The following RNF121 variants were observed in gnomAD, a reference collection of about 807,000 sequenced individuals.
The protein encoded by RNF121 is ring finger protein 121.
RNF121 carries 21 observed loss-of-function variants against 46.5 expected under a neutral mutation model. The ratio of observed to expected loss-of-function variants is 0.45; its 90% confidence interval spans 0.32 to 0.65. RNF121 has a LOEUF of 0.65. Among genes scored for constraint, RNF121 ranks in the 30% least tolerant of loss-of-function variants. The probability of loss-of-function intolerance (pLI) is 0.04; values close to 1 mark genes in which losing one functional copy is unlikely to be tolerated. For missense variants in RNF121, 346 were observed against 416.0 expected (o/e 0.83, Z 1.46); for synonymous variants, 139 against 144.7 (o/e 0.96, Z 0.28).
chr11:71,983,511 G>A (rs898702466), intron 4 of RNF121: 2 of 152,226 alleles, frequency 1.3e-5, no homozygotes, highest in South Asian at 4.1e-4. Context: ...TCACAAAGCA[G>A]CCACTGCCTG....
At chr11:71,966,804 A>G (rs1954287118) in intron 3 of RNF121, among the ~76,000 whole-genome samples, 1 of 151,532 alleles carries the variant, frequency 6.6e-6, no homozygotes, top group Non-Finnish European at 1.5e-5. Flanking sequence ...TTTTTAAATA[A>G]CATGTTTATA....
chr11:71,994,740 C>T lies in RNF121; in HGVS notation c.649C>T (p.Pro217Ser), dbSNP rs1441764675. 1.2e-6 allele frequency: 2 copies of T among 1,614,054 alleles called. No homozygotes were observed. The highest frequency in any genetic ancestry group is 3.3e-5 in the Admixed American group (2 of 60,008). Residue 217 changes from proline (P) to serine (S), a missense_variant, in exon 7 of 9, where the codon CCT becomes TCT. Transcript: ENST00000361756. ...TCAGTTCTACAGCGAGTCGGGCATGCCTACCAAACATCTTTCAGACAGTGT... is the reference window on the plus strand; with the variant it reads ...TCAGTTCTACAGCGAGTCGGGCATGTCTACCAAACATCTTTCAGACAGTGT... ...TIGFYSESGM[P>S]TKHLSDSVCA...
At chr11:71,948,502 G>A (rs1274807326) in intron 1 of RNF121, among the ~76,000 whole-genome samples, 3 of 88,402 alleles carry the variant, frequency 3.4e-5, no homozygotes, top group East Asian at 3.9e-4. Flanking sequence ...GCAACAGAGT[G>A]AAACTGTCTC....
chr11:71,933,798 A>C (rs1953332930), intron 1 of RNF121, among the ~76,000 whole-genome samples: 1 of 152,240 alleles, frequency 6.6e-6, no homozygotes, highest in Non-Finnish European at 1.5e-5. Context: ...CCTGGCATAC[A>C]GTAGGCACCC....
chr11:71,983,574 A>G (rs1040020824), intron 4 of RNF121: 7 of 152,228 alleles, frequency 4.6e-5, no homozygotes, highest in African/African-American at 1.7e-4. Context: ...CCTCCCCACC[A>G]GCTTGTGAGG....
At chr11:71,977,289 T>A (rs574561197) in intron 3 of RNF121, among the ~76,000 whole-genome samples, 64 of 152,330 alleles carry the variant, frequency 4.2e-4, no homozygotes, top group African/African-American at 1.3e-3. Context: ...CAAGCACCTG[T>A]GGACTGGAAA....
At chr11:71,992,608 G>A (rs1954885759) in intron 6 of RNF121, among the ~76,000 whole-genome samples, 1 of 152,186 alleles carries the variant, frequency 6.6e-6, no homozygotes, top group African/African-American at 2.4e-5. Flanking sequence ...TACTGTATTT[G>A]AGAAGTATTT....
At chr11:71,937,933 G>A (rs1032936094) in intron 1 of RNF121, among the ~76,000 whole-genome samples, 3 of 152,132 alleles carry the variant, frequency 2.0e-5, no homozygotes, top group Non-Finnish European at 2.9e-5. Flanking sequence ...AAATCTGTAG[G>A]TAAAATAAAC....
At position 71,960,759 on chromosome 11, in the gene RNF121, C is replaced by T. The variant is rs145914063; in HGVS notation, c.111C>T (p.His37=). 1.5e-4 allele frequency: 235 copies of T among 1,613,682 alleles called. No individual in the cohort carries two copies. In the African/African-American group the frequency reaches 2.4e-3, roughly 17 times the overall value. Residue 37 remains histidine (H), a synonymous_variant, in exon 3 of 9, where the codon CAC becomes CAT. Transcript: ENST00000361756. ...LSPEEQWRVE[H]ARMHAKHRGH... ...TGTGTTTGGCTTTCAGGGTCGAGCACGCACGCATGCATGCCAAGCACCGTG... is the reference window on the plus strand; with the variant it reads ...TGTGTTTGGCTTTCAGGGTCGAGCATGCACGCATGCATGCCAAGCACCGTG...
At chr11:71,965,607 G>T (rs773039916) in intron 3 of RNF121, among the ~76,000 whole-genome samples, 18 of 152,272 alleles carry the variant, frequency 1.2e-4, no homozygotes, top group Non-Finnish European at 2.5e-4. Flanking sequence ...CGATTGACTT[G>T]TTAATTAACA....
At chr11:71,947,409 A>G (rs1953752140) in intron 1 of RNF121, among the ~76,000 whole-genome samples, 2 of 151,834 alleles carry the variant, frequency 1.3e-5, no homozygotes, top group Admixed American at 1.3e-4. Flanking sequence ...GGATCCCTTG[A>G]GCCCAGAAGG....
At chr11:71,932,042 A>C (rs1953287641) in intron 1 of RNF121, among the ~76,000 whole-genome samples, 1 of 152,234 alleles carries the variant, frequency 6.6e-6, no homozygotes, top group Non-Finnish European at 1.5e-5. Flanking sequence ...CTGGAATGGC[A>C]TTCATTCATA....
Position 71,997,203 on chromosome 11 carries a change from C to CGTGTGTGTGT in RNF121, c.*903_*912dup, listed in dbSNP as rs3841467. ...TCTTGAAAGCCTAAGAGTGCGTATGCGTGTGTGTGTGTGTGTGTGTGTGTA... is the reference window on the plus strand; with the variant it reads ...TCTTGAAAGCCTAAGAGTGCGTATGCGTGTGTGTGTGTGTGTGTGTGTGTGTGTGTGTGTA... On this transcript the variant is annotated 3_prime_UTR_variant, in exon 9 of 9. Transcript: ENST00000361756. The CGTGTGTGTGT allele has an allele frequency of 1.3e-5, 2 of 150,136 alleles. No homozygotes were observed. The highest frequency in any genetic ancestry group is 4.9e-5 in the African/African-American group (2 of 40,824). The allele number at this position is 150,136 out of a possible 1,614,324, so 9.3% of individuals were successfully genotyped here. A position where few individuals can be genotyped will look rare whatever the true frequency, so the allele number is the denominator to read the frequency against.
intron 6 of RNF121, 30 bp from the exon 7 acceptor site, chr11:71,994,689 C>T (rs746991969): frequency 2.5e-6 from 4 of 1,613,514 alleles, no homozygotes; most frequent in East Asian, 4.5e-5. Flanking sequence ...ACATCTTTTC[C>T]TATCTTTCCT....
intron 3 of RNF121, among the ~76,000 whole-genome samples, chr11:71,982,334 T>TAAAAAAA (rs1215012729): frequency 3.6e-4 from 1 of 2,774 alleles, no homozygotes. Flanking sequence ...AGACTCCATC[T>TAAAAAAA]CAAAAAAAAA....
chr11:71,975,052 A>G (rs948220846), intron 3 of RNF121, among the ~76,000 whole-genome samples: 2 of 152,186 alleles, frequency 1.3e-5, no homozygotes, highest in East Asian at 1.9e-4. Flanking sequence ...ATCTGTGTCT[A>G]CTACCAAATA....
intron 1 of RNF121, among the ~76,000 whole-genome samples, chr11:71,943,548 C>A (rs1432970177): frequency 6.6e-6 from 1 of 152,196 alleles, no homozygotes; most frequent in Non-Finnish European, 1.5e-5. Context: ...TGATTGGTCA[C>A]ATACTGTGAA....
At chr11:71,974,787 C>T (rs906753096) in intron 3 of RNF121, among the ~76,000 whole-genome samples, 3 of 152,118 alleles carry the variant, frequency 2.0e-5, no homozygotes, top group Non-Finnish European at 4.4e-5. Flanking sequence ...CATCTTGCCT[C>T]CCCAGCCTCT....
intron 3 of RNF121, among the ~76,000 whole-genome samples, chr11:71,979,914 T>A (rs1954610858): frequency 6.6e-6 from 1 of 152,228 alleles, no homozygotes; most frequent in Non-Finnish European, 1.5e-5. Context: ...ATGAGCCTGT[T>A]AAAGCGAATA....
Sources: allele counts gnomAD v4.1 joint callset (sites outside exome capture counted in the v4.1 genomes callset), GRCh38; gene constraint gnomAD v4.1.1; transcripts MANE v1.5; gene names NCBI Gene and HGNC (gene_info 2026-07-23, HGNC 2026-07-21).